HGF: variants seen among roughly 807,000 people sequenced by gnomAD.
HGF encodes fibroblast-derived tumor cytotoxic factor.
A neutral mutation model predicts 111.6 loss-of-function variants in HGF; 39 were observed. The ratio of observed to expected loss-of-function variants is 0.35; its 90% CI spans 0.27 to 0.46. The LOEUF (loss-of-function observed/expected upper bound fraction) is 0.46. Ranked by LOEUF, HGF falls within the 20% of genes least tolerant of loss-of-function variation. The pLI, the probability that HGF is intolerant of heterozygous loss-of-function variation, is 1.00. For synonymous variants in HGF, 285 were observed against 294.8 expected (o/e 0.97, Z 0.34); for missense variants, 735 against 910.5 (o/e 0.81, Z 2.48).
rs1423787266 is a variant in HGF, at chr7:81,720,860, T to C, written c.1169-13A>G. 7.4e-7 allele frequency: 1 copy of C among 1,347,228 alleles called. No homozygotes were observed. The highest frequency in any genetic ancestry group is 2.3e-5 in the East Asian group (1 of 43,632). The allele number at this position is 1,347,228 out of a possible 1,614,324, so 83.5% of individuals were successfully genotyped here. A position where few individuals can be genotyped will look rare whatever the true frequency, so the allele number is the denominator to read the frequency against. On this transcript the variant is annotated splice_polypyrimidine_tract_variant and intron_variant, in intron 9 of 17. Transcript: ENST00000222390. ...CCACGATAACAATCTAGACATAAAA[T>C]ATACAGAAATAAGTCCAATGAATAT...
intron 7 of HGF, 34 bp downstream of exon 7, chr7:81,743,319 G>C (rs759422796): frequency 8.2e-7 from 1 of 1,215,718 alleles, no homozygotes; most frequent in Non-Finnish European, 1.2e-6. Context: ...GTCTGTGAGA[G>C]GAAAAGGAAG....
rs1264828084 is a variant in HGF at position 81,727,686 on chromosome 7, T to G, written c.1041-1669A>C. ...TATTTGGTAGAGATGGAGTCACCCT[T>G]TGTTGCCCAGGCTGGTCTTGAACTC... On this transcript the variant is annotated intron_variant, in intron 8 of 17. Coordinates refer to ENST00000222390, the MANE Select transcript of HGF (RefSeq NM_000601.6). Among the ~76,000 whole-genome samples the G allele has an allele frequency of 2.3e-4, 35 of 152,104 alleles. 1 individual carries two copies. The highest frequency in any genetic ancestry group is 2.3e-3 in the Admixed American group (35 of 15,268).
chr7:81,757,383 G>T (rs954153170), intron 3 of HGF, 80 bp from the exon 4 acceptor site: 2 of 751,684 alleles, frequency 2.7e-6, no homozygotes, highest in Non-Finnish European at 4.8e-6. Flanking sequence ...GTTCAAACCT[G>T]TAAGTAATTA....
chr7:81,743,675 C>T (rs1241484429), intron 6 of HGF, among the ~76,000 whole-genome samples: 2 of 152,144 alleles, frequency 1.3e-5, no homozygotes, highest in Admixed American at 6.5e-5. Context: ...AGAGTATCAT[C>T]CCCTGGCTAA....
chr7:81,745,548 G>A (rs1777743010), intron 5 of HGF, among the ~76,000 whole-genome samples: 1 of 152,132 alleles, frequency 6.6e-6, no homozygotes, highest in Non-Finnish European at 1.5e-5. Context: ...GAAATACAAA[G>A]TTTAATTGAG....
At chr7:81,742,686 T>A in intron 7 of HGF, 1 of 1,358,206 alleles carries the variant, frequency 7.4e-7, no homozygotes, top group Non-Finnish European at 9.5e-7. Flanking sequence ...AGGAACAATA[T>A]AAAACACGTT....
rs1788089333 is a variant in HGF, at chr7:81,743,420, C to G, written c.798G>C (p.Gln266His). 1 of 1,613,838 alleles carries G rather than the reference C, an allele frequency of 6.2e-7. No individual in the cohort carries two copies. Among genetic ancestry groups the G allele is most frequent in the Non-Finnish European group, 8.5e-7 (1 of 1,179,766 alleles). Residue 266 changes from glutamine to histidine, a missense_variant, in exon 7 of 18, where the codon CAG (glutamine) becomes CAC (histidine). Coordinates refer to ENST00000222390, the MANE Select transcript of HGF (RefSeq NM_000601.6). ...CAAGAGTATAGCACCATGGCCTCGGCTGGCCATCGGGATTGCGGCAATAAT... is the reference window on the plus strand; with the variant it reads ...CAAGAGTATAGCACCATGGCCTCGGGTGGCCATCGGGATTGCGGCAATAAT... ...DDNYCRNPDG[Q>H]PRPWCYTLDP...
intron 7 of HGF, among the ~76,000 whole-genome samples, chr7:81,742,224 A>G (rs1788036291): frequency 6.6e-6 from 1 of 152,144 alleles, no homozygotes; most frequent in East Asian, 1.9e-4. Context: ...TTGTTGTCCA[A>G]AGTATTAAGA....
intron 4 of HGF, chr7:81,756,731 C>A (rs1460254129): frequency 1.1e-5 from 2 of 177,722 alleles, no homozygotes; most frequent in African/African-American, 4.8e-5. Context: ...TCTGTGTTGT[C>A]ATCTTCTAAG....
intron 9 of HGF, among the ~76,000 whole-genome samples, chr7:81,721,104 A>G (rs374908176): frequency 4.9e-4 from 75 of 152,184 alleles, no homozygotes; most frequent in Non-Finnish European, 7.5e-4. Flanking sequence ...AAAATTAGCC[A>G]GGCGTGGTGG....
intron 6 of HGF, among the ~76,000 whole-genome samples, chr7:81,744,146 A>G (rs1314948669): frequency 2.0e-5 from 3 of 152,194 alleles, no homozygotes; most frequent in Non-Finnish European, 1.5e-5. Context: ...AGAACAAAGA[A>G]AAAACACCTA....
intron 1 of HGF, among the ~76,000 whole-genome samples, chr7:81,766,906 A>G (rs769563569): frequency 6.6e-6 from 1 of 152,158 alleles, no homozygotes; most frequent in African/African-American, 2.4e-5. Context: ...ATGACCTTCA[A>G]TCCTATCCAT....
chr7:81,762,815 G>T lies in HGF; in HGVS notation c.146C>A (p.Thr49Asn), dbSNP rs368094683. 4.4e-6 allele frequency: 7 copies of T among 1,599,780 alleles called. No homozygotes were observed. The South Asian group carries it at 4.4e-5, about 10-fold the overall frequency. ...IHEFKKSAKT[T>N]LIKIDPALKI... ...CAGTGCTGGATCTATTTTGATTAGG[G>T]TAGTCTTTGCTGATTTTTTGAATTC... Residue 49 changes from threonine (T) to asparagine (N), a missense_variant, in exon 2 of 18, where the codon ACC becomes AAC. This residue lies in a region of HGF where 553 missense variants were observed against 685.6 expected (regional missense o/e 0.81). Transcript: ENST00000222390.
chr7:81,741,906 C>A lies in HGF; in HGVS notation c.865+1447G>T, dbSNP rs1037842201. ...CGAGCTGAGATTGTGCCATTGCACT[C>A]CAGCTTGGACAACAAGAGTGAAACT... On this transcript the variant is annotated intron_variant, in intron 7 of 17. Transcript: ENST00000222390. Among the ~76,000 whole-genome samples the A allele has an allele frequency of 3.7e-5, 5 of 134,502 alleles. No individual in the cohort carries two copies. The Admixed American group carries it at 4.2e-4, about 11-fold the overall frequency. The allele number at this position is 134,502 out of a possible 152,430, so 88.2% of individuals were successfully genotyped here. A position where few individuals can be genotyped will look rare whatever the true frequency, so the allele number is the denominator to read the frequency against.
chr7:81,760,401 A>G (rs142491331), intron 2 of HGF, among the ~76,000 whole-genome samples: 2 of 152,310 alleles, frequency 1.3e-5, no homozygotes, highest in African/African-American at 4.8e-5. Context: ...TAGGAAATCA[A>G]TATTGTTGAT....
chr7:81,758,063 G>A lies in HGF; in HGVS notation c.367+629C>T, dbSNP rs540703410. Among the ~76,000 whole-genome samples the A allele has an allele frequency of 8.6e-5, 13 of 151,960 alleles. No individual in the cohort carries two copies. In the East Asian group the frequency reaches 2.5e-3, roughly 29 times the overall value. On this transcript the variant is annotated intron_variant, in intron 3 of 17. Transcript: ENST00000222390. ...CAGGTTATGTATCTGAATTTAATAG[G>A]ACATGGTTGTTTAACATTCTTCAAT...
rs144391393 is a variant in HGF at position 81,722,845 on chromosome 7, G to GTATATATA, written c.1169-2006_1169-1999dup. Among the ~76,000 whole-genome samples the GTATATATA allele has an allele frequency of 3.0e-3, 402 of 132,610 alleles. 13 individuals carry two copies. Among genetic ancestry groups the GTATATATA allele is most frequent in the African/African-American group, 0.013 (385 of 30,616 alleles). 87.0% of individuals were successfully genotyped at this position (132,610 alleles called of 152,430 possible). A position where few individuals can be genotyped will look rare whatever the true frequency, so the allele number is the denominator to read the frequency against. ...AAAAAAAAAAAAGAAATTTAAAAAG[G>GTATATATA]TATATATATATATATATGTTGCATT... On this transcript the variant is annotated intron_variant, in intron 9 of 17. Coordinates refer to ENST00000222390, the MANE Select transcript of HGF (RefSeq NM_000601.6).
chr7:81,712,300 C>G (rs550264803), intron 11 of HGF, among the ~76,000 whole-genome samples: 1 of 151,948 alleles, frequency 6.6e-6, no homozygotes, highest in Non-Finnish European at 1.5e-5. Flanking sequence ...TTTCTGAAAA[C>G]TTTTAGTTTT....
At chr7:81,719,761 A>G (rs1789805691) in intron 10 of HGF, among the ~76,000 whole-genome samples, 2 of 152,150 alleles carry the variant, frequency 1.3e-5, no homozygotes, top group Non-Finnish European at 2.9e-5. Context: ...TTTTGTGTGA[A>G]GTAAATTAAC....
Sources: gnomAD v4.1 joint callset for allele counts (sites outside exome capture counted in the v4.1 genomes callset) on GRCh38, gnomAD v4.1.1 for gene constraint, gnomAD v4.1.1 regional missense constraint, MANE v1.5 for transcripts, NCBI Gene and HGNC (gene_info 2026-07-23, HGNC 2026-07-21) for gene names.